Variants in HMBOX1 observed in about 807,000 individuals in gnomAD.
HMBOX1 encodes the protein homeobox-containing protein 1.
In HMBOX1, 14 loss-of-function variants were observed where a neutral mutation model predicts 54.5. That is an observed-to-expected ratio of 0.26 (90% CI 0.17 to 0.40). HMBOX1 has a LOEUF of 0.40. Among genes scored for constraint, HMBOX1 ranks in the 10% least tolerant of loss-of-function variants. HMBOX1 has a pLI of 1.00. For synonymous variants in HMBOX1, 160 were observed against 181.0 expected, an observed-to-expected ratio of 0.88 and a Z score of 0.93; for missense variants, 332 against 514.4, an observed-to-expected ratio of 0.65 and a Z score of 3.43.
Position 29,023,514 on chromosome 8 carries a change from C to T in HMBOX1, c.851+4601C>T, listed in dbSNP as rs75393588. Among the ~76,000 whole-genome samples the T allele has an allele frequency of 2.3e-3, 353 of 152,214 alleles. 13 individuals carry two copies. In the East Asian group the frequency reaches 0.055, roughly 24 times the overall value. On this transcript the variant is annotated intron_variant, in intron 6 of 9. Coordinates refer to ENST00000287701, the MANE Select transcript of HMBOX1 (RefSeq NM_001135726.3). Reference sequence around the variant, plus strand: ...ACCTCCTGGGCTCAGGTCTTTCTCCCATCTCAGCCTCCTGAGTAGCTGGGA... The same window carrying T: ...ACCTCCTGGGCTCAGGTCTTTCTCCTATCTCAGCCTCCTGAGTAGCTGGGA...
At position 29,051,535 on chromosome 8, in the gene HMBOX1, C is replaced by T; in HGVS notation, c.*380C>T. The T allele has an allele frequency of 1.4e-6, 1 of 702,964 alleles. No individual in the cohort carries two copies. Among genetic ancestry groups the T allele is most frequent in the Non-Finnish European group, 2.6e-6 (1 of 384,990 alleles). The allele number at this position is 702,964 out of a possible 1,614,324, so 43.5% of individuals were successfully genotyped here. ...GATTCTTGTAACACTAGTCTGTACT[C>T]CCTTTTCCTTCCCCAAGACTGATAG... On this transcript the variant is annotated 3_prime_UTR_variant, in exon 10 of 10. Coordinates refer to ENST00000287701, the MANE Select transcript of HMBOX1 (RefSeq NM_001135726.3).
At chr8:28,987,835 T>C (rs1830386628) in intron 4 of HMBOX1, among the ~76,000 whole-genome samples, 1 of 152,228 alleles carries the variant, frequency 6.6e-6, no homozygotes, top group South Asian at 2.1e-4. Context: ...AAACTTTTAA[T>C]GTCAGACTGT....
intron 1 of HMBOX1, among the ~76,000 whole-genome samples, chr8:28,905,789 A>G (rs1052462663): frequency 1.3e-5 from 2 of 152,184 alleles, no homozygotes; most frequent in Non-Finnish European, 2.9e-5. Flanking sequence ...TTACTTTCAT[A>G]TGGGCCTTTA....
At chr8:29,022,737 C>T (rs972739690) in intron 6 of HMBOX1, among the ~76,000 whole-genome samples, 10 of 151,516 alleles carry the variant, frequency 6.6e-5, no homozygotes, top group Admixed American at 6.6e-4. Context: ...GAGGAATAAA[C>T]CATAAAATAA....
In HMBOX1 at chr8:29,051,792, GAC is replaced by G; in HGVS notation, c.*641_*642del. 3.7e-6 allele frequency: 2 copies of G among 533,798 alleles called. No homozygotes were observed. The highest frequency in any genetic ancestry group is 6.9e-6 in the Non-Finnish European group (2 of 290,258). The allele number at this position is 533,798 out of a possible 1,614,324, so 33.1% of individuals were successfully genotyped here. ...GATTTTGTTTGAAGTTAACATGCCT[GAC>G]ACAGACATCCTTTCCTCTCACAAGC... On this transcript the variant is annotated 3_prime_UTR_variant, in exon 10 of 10. Transcript: ENST00000287701.
At chr8:29,012,469 A>G (rs533100896) in intron 5 of HMBOX1, among the ~76,000 whole-genome samples, 1 of 152,342 alleles carries the variant, frequency 6.6e-6, no homozygotes, top group East Asian at 1.9e-4. Flanking sequence ...TTAAATTTAT[A>G]TGAGGTGATA....
intron 4 of HMBOX1, among the ~76,000 whole-genome samples, chr8:28,981,347 ATTG>A (rs1035592582): frequency 1.3e-5 from 2 of 152,182 alleles, no homozygotes; most frequent in Non-Finnish European, 2.9e-5. Context: ...CGTTAGTTTA[ATTG>A]TTGTAGTATT....
intron 9 of HMBOX1, 115 bp downstream of exon 9, chr8:29,049,163 C>T: frequency 1.4e-6 from 2 of 1,472,906 alleles, no homozygotes. Flanking sequence ...AGTCACTGTC[C>T]CTCCACTCTG....
At chr8:28,922,687 T>A (rs1323493929) in intron 1 of HMBOX1, among the ~76,000 whole-genome samples, 1 of 152,210 alleles carries the variant, frequency 6.6e-6, no homozygotes, top group African/African-American at 2.4e-5. Flanking sequence ...TATGTTATTT[T>A]CTTAAATTAT....
At chr8:28,987,665 A>C (rs1830362976) in intron 4 of HMBOX1, among the ~76,000 whole-genome samples, 1 of 152,162 alleles carries the variant, frequency 6.6e-6, no homozygotes, top group African/African-American at 2.4e-5. Flanking sequence ...AGTGCTGCAA[A>C]TAGTTTTGTC....
chr8:29,025,137 G>C (rs899667870), intron 6 of HMBOX1, among the ~76,000 whole-genome samples: 1 of 152,004 alleles, frequency 6.6e-6, no homozygotes, highest in African/African-American at 2.4e-5. Flanking sequence ...AAAGCAAAAG[G>C]ATAGAAAATG....
chr8:28,947,646 A>G (rs947721436), intron 1 of HMBOX1, among the ~76,000 whole-genome samples: 8 of 152,212 alleles, frequency 5.3e-5, no homozygotes, highest in African/African-American at 1.9e-4. Flanking sequence ...ATTCATGCTA[A>G]ATCTCTTGTT....
At chr8:29,049,219 A>G in intron 9 of HMBOX1, 171 bp downstream of exon 9, 1 of 1,506,814 alleles carries the variant, frequency 6.6e-7, no homozygotes, top group African/African-American at 1.4e-5. Context: ...GGAATGTGGT[A>G]AGATTCAGTT....
chr8:28,996,791 G>C (rs1444207753), intron 4 of HMBOX1, among the ~76,000 whole-genome samples: 1 of 152,146 alleles, frequency 6.6e-6, no homozygotes, highest in Non-Finnish European at 1.5e-5. Context: ...TATGATGTGA[G>C]GAAGGGATGT....
chr8:28,938,592 G>A (rs1040505482), intron 1 of HMBOX1, among the ~76,000 whole-genome samples: 9 of 151,026 alleles, frequency 6.0e-5, no homozygotes, highest in African/African-American at 2.2e-4. Flanking sequence ...GATTACAGGC[G>A]CACACCACCA....
intron 4 of HMBOX1, among the ~76,000 whole-genome samples, chr8:28,984,216 T>C (rs1483429578): frequency 6.6e-6 from 1 of 152,258 alleles, no homozygotes; most frequent in African/African-American, 2.4e-5. Flanking sequence ...AATATGTACC[T>C]GATGAAATCT....
chr8:28,909,775 G>A (rs1815055311), intron 1 of HMBOX1, among the ~76,000 whole-genome samples: 1 of 152,132 alleles, frequency 6.6e-6, no homozygotes, highest in Non-Finnish European at 1.5e-5. Context: ...AAATTCATCT[G>A]TATTAAGTGT....
intron 6 of HMBOX1, among the ~76,000 whole-genome samples, chr8:29,039,100 G>A (rs1457293723): frequency 6.6e-6 from 1 of 152,102 alleles, no homozygotes; most frequent in East Asian, 1.9e-4. Flanking sequence ...CTCTGCTACT[G>A]CAGTACTGTA....
At chr8:28,939,215 G>C (rs913699374) in intron 1 of HMBOX1, among the ~76,000 whole-genome samples, 1 of 151,702 alleles carries the variant, frequency 6.6e-6, no homozygotes, top group Admixed American at 6.6e-5. Flanking sequence ...CTTGAACCTG[G>C]GAGGCAGAGG....
Sources: allele counts gnomAD v4.1 joint callset (sites outside exome capture counted in the v4.1 genomes callset), GRCh38; gene constraint gnomAD v4.1.1; transcripts MANE v1.5; gene names NCBI Gene and HGNC (gene_info 2026-07-23, HGNC 2026-07-21).